Variants in FTCDNL1 observed in about 807,000 individuals in gnomAD.
FTCDNL1 encodes the protein formiminotransferase cyclodeaminase N-terminal like.
FTCDNL1 carries 11 observed loss-of-function variants against 5.9 expected under a neutral mutation model. The ratio of observed to expected loss-of-function variants is 1.87; its 90% CI spans 1.18 to 3.10. The LOEUF (loss-of-function observed/expected upper bound fraction) is 3.10, where lower values mean the gene tolerates loss of function less well. Ranked by LOEUF, FTCDNL1 falls within the 30% of genes most tolerant of loss-of-function variation. The probability of loss-of-function intolerance (pLI) is 0.00; values close to 1 mark genes in which losing one functional copy is unlikely to be tolerated. For missense variants in FTCDNL1, 115 were observed against 65.5 expected (o/e 1.76, Z -2.61); for synonymous variants, 58 against 24.8 (o/e 2.34, Z -3.99).
the FTCDNL1 span, among the ~76,000 whole-genome samples, chr2:199,692,534 G>A: frequency 6.6e-6 from 1 of 152,186 alleles, no homozygotes; most frequent in African/African-American, 2.4e-5. Context: ...ATTTAGTAAT[G>A]CGTTGCTGTT....
chr2:199,820,522 A>G (rs551335984), intron 3 of FTCDNL1, among the ~76,000 whole-genome samples: 2 of 152,314 alleles, frequency 1.3e-5, no homozygotes, highest in East Asian at 3.9e-4. Context: ...CTTAACAACC[A>G]CACATGGCTA....
downstream of FTCDNL1, among the ~76,000 whole-genome samples, chr2:199,806,110 A>G (rs1422320268): frequency 1.3e-5 from 2 of 152,214 alleles, no homozygotes; most frequent in East Asian, 3.8e-4. Flanking sequence ...ATCCAAAGGC[A>G]GTCTGAGTTC....
chr2:199,785,968 G>T (rs1272390325), intron 3 of FTCDNL1, among the ~76,000 whole-genome samples: 1 of 152,142 alleles, frequency 6.6e-6, no homozygotes, highest in African/African-American at 2.4e-5. Flanking sequence ...GGAGCACACA[G>T]CCTATATCCC....
the FTCDNL1 span, among the ~76,000 whole-genome samples, chr2:199,687,191 G>GT: frequency 1.2e-4 from 18 of 152,000 alleles, no homozygotes; most frequent in African/African-American, 4.3e-4. Flanking sequence ...TGTAGTTGGA[G>GT]TTTTTTTTCT....
At chr2:199,760,846 G>C in intron 3 of FTCDNL1, 1 of 702,312 alleles carries the variant, frequency 1.4e-6, no homozygotes, top group Non-Finnish European at 2.6e-6. Flanking sequence ...CTGGGAATAA[G>C]GGAAGGAGAG....
chr2:199,795,346 T>C (rs941962929), intron 3 of FTCDNL1, among the ~76,000 whole-genome samples: 1 of 152,218 alleles, frequency 6.6e-6, no homozygotes, highest in Non-Finnish European at 1.5e-5. Context: ...TGAGCCTCGA[T>C]ACCTCACTTT....
the FTCDNL1 span, among the ~76,000 whole-genome samples, chr2:199,739,086 C>T: frequency 1.1e-4 from 17 of 152,288 alleles, no homozygotes; most frequent in Admixed American, 3.3e-4. Flanking sequence ...TCTTCAAGAA[C>T]CTGGAAAAAT....
At chr2:199,676,913 T>C in the FTCDNL1 span, among the ~76,000 whole-genome samples, 6 of 152,312 alleles carry the variant, frequency 3.9e-5, no homozygotes, top group Non-Finnish European at 5.9e-5. Flanking sequence ...AATGTCTGCA[T>C]TGAAAAACCC....
chr2:199,813,688 G>A (rs540965346), intron 4 of FTCDNL1, among the ~76,000 whole-genome samples: 46 of 152,020 alleles, frequency 3.0e-4, no homozygotes, highest in African/African-American at 8.9e-4. Flanking sequence ...CGAGGCAGGC[G>A]GATCACAAGG....
intron 3 of FTCDNL1, among the ~76,000 whole-genome samples, chr2:199,764,441 T>G (rs1698414637): frequency 6.6e-6 from 1 of 152,200 alleles, no homozygotes; most frequent in African/African-American, 2.4e-5. Flanking sequence ...GTTTGTACCA[T>G]GCTGCCACTT....
At chr2:199,666,293 C>T in the FTCDNL1 span, among the ~76,000 whole-genome samples, 7 of 152,102 alleles carry the variant, frequency 4.6e-5, no homozygotes, top group Non-Finnish European at 1.0e-4. Context: ...AACGCACACA[C>T]AGGAAGATAA....
chr2:199,776,598 A>G (rs1271453865), intron 3 of FTCDNL1, among the ~76,000 whole-genome samples: 2 of 152,198 alleles, frequency 1.3e-5, no homozygotes, highest in Admixed American at 1.3e-4. Flanking sequence ...AAAACTGCAC[A>G]CAACCCCTAA....
At chr2:199,697,251 G>A in the FTCDNL1 span, among the ~76,000 whole-genome samples, 2 of 152,098 alleles carry the variant, frequency 1.3e-5, no homozygotes, top group Non-Finnish European at 1.5e-5. Context: ...CAGCCTGGGC[G>A]ACAGAGAGGG....
the FTCDNL1 span, among the ~76,000 whole-genome samples, chr2:199,725,070 T>C: frequency 1.3e-5 from 2 of 152,200 alleles, no homozygotes; most frequent in Admixed American, 1.3e-4. Context: ...TGCTCCTGTA[T>C]TGGATGCATA....
intron 3 of FTCDNL1, among the ~76,000 whole-genome samples, chr2:199,802,002 T>C (rs1216999461): frequency 1.3e-5 from 2 of 151,594 alleles, no homozygotes; most frequent in African/African-American, 4.9e-5. Context: ...CAGCAGAACA[T>C]TGAACCAAGC....
At chr2:199,736,665 A>G in the FTCDNL1 span, among the ~76,000 whole-genome samples, 2 of 152,216 alleles carry the variant, frequency 1.3e-5, no homozygotes, top group Non-Finnish European at 2.9e-5. Context: ...CCCTTCCCAC[A>G]GAGTCAAGCC....
At chr2:199,844,792 A>AT (rs890578124) in intron 3 of FTCDNL1, among the ~76,000 whole-genome samples, 20 of 151,614 alleles carry the variant, frequency 1.3e-4, no homozygotes, top group African/African-American at 4.3e-4. Flanking sequence ...ATACTATTTG[A>AT]TTTTTTTTTA....
chr2:199,750,789 C>T, the FTCDNL1 span, among the ~76,000 whole-genome samples: 1 of 152,238 alleles, frequency 6.6e-6, no homozygotes, highest in Non-Finnish European at 1.5e-5. Flanking sequence ...AGCTACCTTA[C>T]TTGTCTGTTG....
At chr2:199,714,064 G>T in the FTCDNL1 span, among the ~76,000 whole-genome samples, 1 of 152,184 alleles carries the variant, frequency 6.6e-6, no homozygotes, top group Non-Finnish European at 1.5e-5. Flanking sequence ...ATAGAGCCAC[G>T]CTTTCAAAAG....
Sources: gnomAD v4.1 joint callset for allele counts (sites outside exome capture counted in the v4.1 genomes callset) on GRCh38, gnomAD v4.1.1 for gene constraint, MANE v1.5 for transcripts, NCBI Gene and HGNC (gene_info 2026-07-23, HGNC 2026-07-21) for gene names.